The following GSTT4 variants were observed in gnomAD, a reference collection of about 807,000 sequenced individuals.
GSTT4 encodes the protein glutathione S-transferase theta 4.
chr22:24,004,245 G>A (rs932955141), intron 1 of GSTT4: 1 of 152,972 alleles, frequency 6.5e-6, no homozygotes, highest in Non-Finnish European at 1.5e-5. Context: ...TCCACTTTAA[G>A]GAAGCCAGGC....
At chr22:23,998,070 A>G (rs2034136488), downstream of GSTT4, among the ~76,000 whole-genome samples, 1 of 152,166 alleles carries the variant, frequency 6.6e-6, no homozygotes, top group Non-Finnish European at 1.5e-5. Flanking sequence ...GAGACTTAGG[A>G]CCAAATATAT....
intron 1 of GSTT4, chr22:24,004,285 G>A (rs2034302490): frequency 6.5e-6 from 1 of 152,834 alleles, no homozygotes; most frequent in Admixed American, 6.5e-5. Context: ...CCAAAGGGAA[G>A]CTTCTCGGAC....
chr22:23,998,265 T>G (rs1231426524), downstream of GSTT4: 7 of 96,506 alleles, frequency 7.3e-5, 1 homozygote, highest in African/African-American at 2.5e-4. Context: ...AGTCACCAAC[T>G]ATTATTACTC....
chr22:23,994,285 A>G (rs1003390071), downstream of GSTT4, among the ~76,000 whole-genome samples: 5 of 151,986 alleles, frequency 3.3e-5, no homozygotes, highest in Non-Finnish European at 7.4e-5. Flanking sequence ...TTAAAATTCA[A>G]TTGGTTTAAA....
In GSTT4 at chr22:23,998,630, C is replaced by G. The variant is rs202088731; in HGVS notation, c.638G>C (p.Arg213Pro). 1 of 154,998 alleles carries G rather than the reference C, an allele frequency of 6.5e-6. No homozygotes were observed. The highest frequency in any genetic ancestry group is 1.9e-4 in the East Asian group (1 of 5,200). 9.6% of individuals were successfully genotyped at this position (154,998 alleles called of 1,614,324 possible). Residue 213 changes from arginine (R) to proline (P), a missense_variant, in exon 5 of 5, where the codon CGA (arginine) becomes CCA (proline). Coordinates refer to ENST00000621179, the MANE Select transcript of GSTT4 (RefSeq NM_001358664.2). ...GSGLFREAHD[R>P]LMQLADWDFS... The stretch of plus-strand genomic sequence containing the variant: ...GTCCCAGTCGGCCAACTGCATTAGT[C>G]GATCATGGGCCTCCCTAAAGAGGCC...
chr22:23,999,294 C>A (rs933244565), intron 4 of GSTT4, among the ~76,000 whole-genome samples: 18 of 152,056 alleles, frequency 1.2e-4, no homozygotes, highest in Admixed American at 9.8e-4. Context: ...TATGGCTGAA[C>A]CCTTGGGGCA....
downstream of GSTT4, among the ~76,000 whole-genome samples, chr22:23,994,168 C>A (rs397832362): frequency 2.2e-5 from 3 of 136,136 alleles, no homozygotes; most frequent in Admixed American, 2.2e-4. Context: ...ACAATTTATG[C>A]TTCATATTTT....
At chr22:23,995,383 T>A (rs2034106577), downstream of GSTT4, among the ~76,000 whole-genome samples, 1 of 152,180 alleles carries the variant, frequency 6.6e-6, no homozygotes, top group South Asian at 2.1e-4. Context: ...CACTTCCTTG[T>A]ATGCACTTGC....
the GSTT4 span, among the ~76,000 whole-genome samples, chr22:23,989,427 C>G: frequency 7.1e-6 from 1 of 140,796 alleles, no homozygotes; most frequent in Non-Finnish European, 1.6e-5. Flanking sequence ...AAGCATGGCT[C>G]AAGGACAATT....
chr22:24,002,279 G>C (rs369146976), intron 2 of GSTT4, among the ~76,000 whole-genome samples: 1 of 152,262 alleles, frequency 6.6e-6, no homozygotes, highest in Non-Finnish European at 1.5e-5. Context: ...GGACAATGAG[G>C]GGGCCAGCAA....
At chr22:23,994,307 G>A (rs528548948), downstream of GSTT4, among the ~76,000 whole-genome samples, 3 of 151,880 alleles carry the variant, frequency 2.0e-5, no homozygotes, top group East Asian at 5.8e-4. Flanking sequence ...CCAATTCAGT[G>A]GTTTTTAGTA....
intron 1 of GSTT4, 121 bp from the exon 2 acceptor site, chr22:24,003,968 G>A (rs1387139368): frequency 6.5e-6 from 1 of 153,440 alleles, no homozygotes. Context: ...GGCCCGGAGG[G>A]ACATTGCGTC....
At chr22:23,989,241 TG>T in the GSTT4 span, 2 of 164,414 alleles carry the variant, frequency 1.2e-5, no homozygotes, top group Non-Finnish European at 2.7e-5. Flanking sequence ...GAGAGGTGAG[TG>T]GGGATAACCC....
chr22:23,997,316 G>A (rs1024915593), downstream of GSTT4, among the ~76,000 whole-genome samples: 2 of 151,858 alleles, frequency 1.3e-5, no homozygotes, highest in Non-Finnish European at 2.9e-5. Flanking sequence ...TCTTGGACTC[G>A]AGTGATCCTC....
chr22:23,999,520 T>C (rs2034180632), intron 4 of GSTT4, among the ~76,000 whole-genome samples: 1 of 116,580 alleles, frequency 8.6e-6, no homozygotes, highest in Non-Finnish European at 1.8e-5. Flanking sequence ...GTGTGCAGGA[T>C]GGCCAGTTGA....
chr22:24,000,804 G>A (rs1378084329), intron 3 of GSTT4, among the ~76,000 whole-genome samples: 13 of 102,058 alleles, frequency 1.3e-4, no homozygotes, highest in African/African-American at 1.4e-4. Context: ...CAAGTGATCT[G>A]CCCGCCTCGG....
chr22:24,002,028 G>T (rs2034241117), intron 2 of GSTT4, among the ~76,000 whole-genome samples: 1 of 152,220 alleles, frequency 6.6e-6, no homozygotes, highest in Non-Finnish European at 1.5e-5. Flanking sequence ...TGAAATACGA[G>T]GGTAAAGGGA....
At chr22:24,002,843 A>AAC (rs1463308279) in intron 2 of GSTT4, among the ~76,000 whole-genome samples, 1 of 152,152 alleles carries the variant, frequency 6.6e-6, no homozygotes, top group East Asian at 1.9e-4. Flanking sequence ...AAAAAAAAAA[A>AAC]AAAAAAACTT....
At chr22:23,991,777 G>C in the GSTT4 span, among the ~76,000 whole-genome samples, 3 of 141,792 alleles carry the variant, frequency 2.1e-5, no homozygotes, top group Non-Finnish European at 4.7e-5. Context: ...AGGAGAGGCT[G>C]GGCGCGGTGG....
Sources: gnomAD v4.1 joint callset for allele counts (sites outside exome capture counted in the v4.1 genomes callset) on GRCh38, gnomAD v4.1.1 for gene constraint, MANE v1.5 for transcripts, NCBI Gene and HGNC (gene_info 2026-07-23, HGNC 2026-07-21) for gene names.